NKAIN2: variants seen among roughly 807,000 people sequenced by gnomAD.
The protein encoded by NKAIN2 is sodium/potassium transporting ATPase interacting 2.
Under a neutral mutation model 32.6 loss-of-function variants are expected in NKAIN2, and 14 were observed. That is an observed-to-expected ratio of 0.43 (90% CI 0.28 to 0.67). NKAIN2 has a LOEUF of 0.67. Ranked by LOEUF, NKAIN2 falls within the 30% of genes least tolerant of loss-of-function variation. NKAIN2 has a pLI of 0.17. For synonymous variants in NKAIN2, 80 were observed against 87.2 expected, an observed-to-expected ratio of 0.92 and a Z score of 0.46; for missense variants, 198 against 258.3, an observed-to-expected ratio of 0.77 and a Z score of 1.60.
intron 2 of NKAIN2, among the ~76,000 whole-genome samples, chr6:124,288,221 G>A (rs192040096): frequency 9.2e-5 from 14 of 152,202 alleles, no homozygotes; most frequent in African/African-American, 2.9e-4. Flanking sequence ...ATATGGAAAG[G>A]AAATAGTAGA....
chr6:124,058,434 T>C (rs1360779611), intron 1 of NKAIN2, among the ~76,000 whole-genome samples: 1 of 152,090 alleles, frequency 6.6e-6, no homozygotes, highest in Non-Finnish European at 1.5e-5. Flanking sequence ...AGCCATCTAT[T>C]AGTTCAGAGA....
In NKAIN2 at chr6:124,474,882, T is replaced by G. The variant is rs1020859558; in HGVS notation, c.273+119535T>G. On this transcript the variant is annotated intron_variant, in intron 3 of 6. Transcript: ENST00000368417. ...ATATTTTATATACATATATTGTATA[T>G]TATATATTATATATGTATCATATTA... is the stretch of plus-strand genomic sequence containing the variant. Among the ~76,000 whole-genome samples the G allele has an allele frequency of 2.7e-5, 4 of 146,034 alleles. No homozygotes were observed. The East Asian group carries it at 7.9e-4, about 29-fold the overall frequency.
intron 1 of NKAIN2, among the ~76,000 whole-genome samples, chr6:123,812,597 G>A (rs1371952743): frequency 6.6e-6 from 1 of 152,146 alleles, no homozygotes; most frequent in Non-Finnish European, 1.5e-5. Flanking sequence ...CTGATATTTA[G>A]AACTCCAGAA....
intron 1 of NKAIN2, among the ~76,000 whole-genome samples, chr6:124,052,964 G>A (rs189943151): frequency 2.3e-4 from 35 of 152,194 alleles, no homozygotes; most frequent in Middle Eastern, 3.4e-3. Context: ...GGGAGAGTAC[G>A]GGATGGAGAG....
rs148554686 is a variant in NKAIN2 at position 124,287,503 on chromosome 6, CATT to C, written c.192+4363_192+4365del. On this transcript the variant is annotated intron_variant, in intron 2 of 6. Coordinates refer to ENST00000368417, the MANE Select transcript of NKAIN2 (RefSeq NM_001040214.3). ...AAAACAGATAATTGGAACAAGAACT[CATT>C]AGTGCCATAGAGAGCTTCTGTCACT... Among the ~76,000 whole-genome samples, 604 of 152,236 alleles carry C rather than the reference CATT, an allele frequency of 4.0e-3. 5 individuals carry two copies. The highest frequency in any genetic ancestry group is 0.014 in the African/African-American group (584 of 41,552).
chr6:124,293,114 A>G (rs1011301360), intron 2 of NKAIN2, among the ~76,000 whole-genome samples: 2 of 152,114 alleles, frequency 1.3e-5, no homozygotes, highest in Admixed American at 1.3e-4. Flanking sequence ...AGCTATTAGT[A>G]TTCAGTAAAT....
intron 4 of NKAIN2, among the ~76,000 whole-genome samples, chr6:124,772,086 T>A (rs558428272): frequency 2.0e-5 from 3 of 152,272 alleles, no homozygotes; most frequent in South Asian, 2.1e-4. Context: ...AGATATTTTT[T>A]AAAGAGTAAT....
intron 4 of NKAIN2, among the ~76,000 whole-genome samples, chr6:124,767,432 A>C (rs1400054512): frequency 6.6e-6 from 1 of 152,104 alleles, no homozygotes; most frequent in African/African-American, 2.4e-5. Flanking sequence ...CCTAATCCTG[A>C]GGAAATCACT....
At chr6:124,811,222 G>T (rs1447566009) in intron 5 of NKAIN2, among the ~76,000 whole-genome samples, 1 of 152,074 alleles carries the variant, frequency 6.6e-6, no homozygotes, top group East Asian at 1.9e-4. Flanking sequence ...GTGTCTTTCA[G>T]TGAGTTATTC....
Position 124,633,911 on chromosome 6 carries a change from G to A in NKAIN2, c.274-24275G>A, listed in dbSNP as rs115606808. Reference sequence around the variant, plus strand: ...CTTGAGAGCCAGCTTTTTCAGCAACGCTTCCCCAGCAAAGATATGCCACAG... The same window carrying A: ...CTTGAGAGCCAGCTTTTTCAGCAACACTTCCCCAGCAAAGATATGCCACAG... On this transcript the variant is annotated intron_variant, in intron 3 of 6. Coordinates refer to ENST00000368417, the MANE Select transcript of NKAIN2 (RefSeq NM_001040214.3). 3.5e-3 allele frequency among the ~76,000 whole-genome samples: 538 copies of A among 151,966 alleles called. 1 individual carries two copies. Among genetic ancestry groups the A allele is most frequent in the African/African-American group, 0.012 (512 of 41,440 alleles).
chr6:124,535,806 C>T (rs1348061317), intron 3 of NKAIN2, among the ~76,000 whole-genome samples: 1 of 152,208 alleles, frequency 6.6e-6, no homozygotes, highest in Admixed American at 6.5e-5. Context: ...GTAAGTTTCT[C>T]TCTTTTTCTG....
At chr6:124,733,094 G>T (rs950546686) in intron 4 of NKAIN2, among the ~76,000 whole-genome samples, 1 of 151,844 alleles carries the variant, frequency 6.6e-6, no homozygotes, top group South Asian at 2.1e-4. Flanking sequence ...AAATTTATGC[G>T]GTATTCTGAA....
At chr6:124,045,385 A>C (rs1782070211) in intron 1 of NKAIN2, among the ~76,000 whole-genome samples, 1 of 152,036 alleles carries the variant, frequency 6.6e-6, no homozygotes, top group Non-Finnish European at 1.5e-5. Context: ...TGCCATGGAA[A>C]AATGGAAAGG....
intron 3 of NKAIN2, among the ~76,000 whole-genome samples, chr6:124,545,185 G>C (rs1430192703): frequency 1.3e-5 from 2 of 152,120 alleles, no homozygotes; most frequent in Non-Finnish European, 2.9e-5. Context: ...TTGCTTCAAT[G>C]CCTGCCCTGA....
At chr6:124,638,885 G>A (rs1955221) in intron 3 of NKAIN2, among the ~76,000 whole-genome samples, 65,718 of 116,060 alleles carry the variant, frequency 0.57, 17,741 homozygotes, top group Middle Eastern at 0.62. Context: ...GTGAGACTCT[G>A]TCAAAAAAAA....
At chr6:124,050,352 A>T (rs1410548084) in intron 1 of NKAIN2, among the ~76,000 whole-genome samples, 4 of 152,058 alleles carry the variant, frequency 2.6e-5, no homozygotes, top group African/African-American at 9.7e-5. Flanking sequence ...GTATCTACAG[A>T]AGAAGTAAAA....
intron 1 of NKAIN2, among the ~76,000 whole-genome samples, chr6:124,233,124 A>G (rs994211928): frequency 6.6e-6 from 1 of 152,082 alleles, no homozygotes; most frequent in African/African-American, 2.4e-5. Context: ...ATATTACCAC[A>G]ACAATCAAAA....
At chr6:124,686,954 G>C (rs931712706) in intron 4 of NKAIN2, among the ~76,000 whole-genome samples, 1 of 151,990 alleles carries the variant, frequency 6.6e-6, no homozygotes, top group Non-Finnish European at 1.5e-5. Flanking sequence ...GAAAAGGTGA[G>C]ATAGGCCTAG....
chr6:124,780,886 G>T (rs1779231694), intron 4 of NKAIN2, among the ~76,000 whole-genome samples: 1 of 152,140 alleles, frequency 6.6e-6, no homozygotes, highest in Admixed American at 6.5e-5. Context: ...CCACTGAAAT[G>T]GTAATTAAAT....
Sources: gnomAD v4.1 joint callset for allele counts (sites outside exome capture counted in the v4.1 genomes callset) on GRCh38, gnomAD v4.1.1 for gene constraint, MANE v1.5 for transcripts, NCBI Gene and HGNC (gene_info 2026-07-23, HGNC 2026-07-21) for gene names.